Variants in TAS2R1 observed in about 807,000 individuals in gnomAD.
The protein encoded by TAS2R1 is taste 2 receptor member 1, also known as taste receptor type 2 member 1.
For synonymous variants in TAS2R1, 141 were observed against 134.2 expected (o/e 1.05, Z -0.35); for missense variants, 370 against 353.4 (o/e 1.05, Z -0.38).
At chr5:9,766,856 T>C in the TAS2R1 span, among the ~76,000 whole-genome samples, 1 of 152,202 alleles carries the variant, frequency 6.6e-6, no homozygotes, top group Admixed American at 6.5e-5. Context: ...GAACCTGTCA[T>C]AGCCAGGAGC....
At chr5:9,861,269 T>C in the TAS2R1 span, among the ~76,000 whole-genome samples, 1 of 151,968 alleles carries the variant, frequency 6.6e-6, no homozygotes, top group African/African-American at 2.4e-5. Flanking sequence ...CATTCCTTTA[T>C]GCCTACACCA....
In TAS2R1 at chr5:9,664,650, C is replaced by T. The variant is rs188816626; in HGVS notation, c.-241-5069G>A. 1.3e-4 allele frequency among the ~76,000 whole-genome samples: 20 copies of T among 152,222 alleles called. No homozygotes were observed. The East Asian group carries it at 2.5e-3, about 19-fold the overall frequency. ...TAACATGTGACAGGTTTGGATAAAC[C>T]GTGGGATTCTCTCCTCTCAATTCTT... is the stretch of plus-strand genomic sequence containing the variant. On this transcript the variant is annotated intron_variant, in intron 1 of 2. Coordinates refer to the TAS2R1 transcript ENST00000506620.
chr5:9,730,513 C>T, the TAS2R1 span, among the ~76,000 whole-genome samples: 2 of 152,186 alleles, frequency 1.3e-5, no homozygotes, highest in Admixed American at 1.3e-4. Context: ...CAGGTACCAT[C>T]CAGTGGGGGC....
the TAS2R1 span, among the ~76,000 whole-genome samples, chr5:9,868,711 G>T: frequency 2.0e-5 from 3 of 152,192 alleles, no homozygotes; most frequent in African/African-American, 7.2e-5. Context: ...AGAAAATGGG[G>T]TTTTCTTTTC....
At chr5:9,703,444 C>A (rs1453146731) in intron 1 of TAS2R1, among the ~76,000 whole-genome samples, 2 of 152,106 alleles carry the variant, frequency 1.3e-5, no homozygotes, top group African/African-American at 4.8e-5. Flanking sequence ...TCCAGGGAGC[C>A]TGTACTCTGT....
At chr5:9,838,144 A>G in the TAS2R1 span, among the ~76,000 whole-genome samples, 1 of 152,166 alleles carries the variant, frequency 6.6e-6, no homozygotes, top group Non-Finnish European at 1.5e-5. Flanking sequence ...GAAGCTTTGA[A>G]AAAGCACAGA....
chr5:9,752,705 C>G, the TAS2R1 span, among the ~76,000 whole-genome samples: 4,178 of 152,042 alleles, frequency 0.027, 60 homozygotes, highest in Non-Finnish European at 0.033. Flanking sequence ...CCCTTCCCCC[C>G]ACCCCACAAT....
the TAS2R1 span, among the ~76,000 whole-genome samples, chr5:9,863,488 G>A: frequency 4.6e-5 from 7 of 152,062 alleles, no homozygotes; most frequent in Non-Finnish European, 8.8e-5. Flanking sequence ...GGATGGTCTC[G>A]ATCTCCTGAC....
the TAS2R1 span, among the ~76,000 whole-genome samples, chr5:9,816,573 A>G: frequency 1.3e-5 from 2 of 152,028 alleles, no homozygotes; most frequent in African/African-American, 2.4e-5. Flanking sequence ...GTGCCATACT[A>G]CCATTCATGG....
At chr5:9,833,410 T>A in the TAS2R1 span, among the ~76,000 whole-genome samples, 1 of 152,236 alleles carries the variant, frequency 6.6e-6, no homozygotes, top group Non-Finnish European at 1.5e-5. Flanking sequence ...AACTGTAACT[T>A]TTCAACGCTG....
At chr5:9,870,568 C>G in the TAS2R1 span, among the ~76,000 whole-genome samples, 1 of 152,148 alleles carries the variant, frequency 6.6e-6, no homozygotes, top group Non-Finnish European at 1.5e-5. Context: ...AGGCTAGACA[C>G]TGGGGATACA....
chr5:9,675,454 G>C, intron 1 of TAS2R1, among the ~76,000 whole-genome samples: 1 of 96,320 alleles, frequency 1.0e-5, no homozygotes, highest in East Asian at 2.9e-4. Context: ...GTCTTGCTTT[G>C]TTGCCAGACT....
chr5:9,824,341 A>T, the TAS2R1 span, among the ~76,000 whole-genome samples: 1 of 152,206 alleles, frequency 6.6e-6, no homozygotes, highest in Non-Finnish European at 1.5e-5. Flanking sequence ...CTGATCTGGA[A>T]CTTTCTTCAT....
chr5:9,711,684 C>T (rs544153987), intron 1 of TAS2R1, among the ~76,000 whole-genome samples: 1 of 152,006 alleles, frequency 6.6e-6, no homozygotes, highest in African/African-American at 2.4e-5. Context: ...TATTTATTTT[C>T]TGAAATGGAG....
the TAS2R1 span, among the ~76,000 whole-genome samples, chr5:9,858,874 T>G: frequency 6.6e-6 from 1 of 152,244 alleles, no homozygotes; most frequent in Admixed American, 6.5e-5. Context: ...AGAAAATGTC[T>G]CCTGGATGTC....
chr5:9,830,605 G>GCACACACACACACACACA, the TAS2R1 span, among the ~76,000 whole-genome samples: 348 of 149,806 alleles, frequency 2.3e-3, no homozygotes, highest in Middle Eastern at 0.014. Flanking sequence ...ACGTGCGCGC[G>GCACACACACACACACACA]CACACACACA....
chr5:9,813,276 A>C, the TAS2R1 span, among the ~76,000 whole-genome samples: 5 of 152,166 alleles, frequency 3.3e-5, no homozygotes, highest in African/African-American at 1.2e-4. Context: ...AACTGCCAAT[A>C]CTCAGTCTTG....
chr5:9,723,695 C>A, the TAS2R1 span, among the ~76,000 whole-genome samples: 20 of 152,346 alleles, frequency 1.3e-4, no homozygotes, highest in Middle Eastern at 6.8e-3. Context: ...ACTGGCCATG[C>A]CCTCGCAGGC....
the TAS2R1 span, among the ~76,000 whole-genome samples, chr5:9,797,260 G>A: frequency 6.6e-6 from 1 of 152,214 alleles, no homozygotes; most frequent in African/African-American, 2.4e-5. Context: ...GGCATGTAGT[G>A]CGTAGAGGCC....
Sources: gnomAD v4.1 joint callset for allele counts (sites outside exome capture counted in the v4.1 genomes callset) on GRCh38, gnomAD v4.1.1 for gene constraint, MANE v1.5 for transcripts, NCBI Gene and HGNC (gene_info 2026-07-23, HGNC 2026-07-21) for gene names.